The following ESR1 variants were observed in gnomAD, a reference collection of about 807,000 sequenced individuals.
ESR1 encodes the protein estrogen receptor 1.
In ESR1, 12 loss-of-function variants were observed where a neutral mutation model predicts 52.7. That is an observed-to-expected ratio of 0.23 (90% CI 0.15 to 0.37). ESR1 has a LOEUF of 0.37. Among genes scored for constraint, ESR1 ranks in the 10% least tolerant of loss-of-function variants. The probability of loss-of-function intolerance (pLI) is 1.00; values close to 1 mark genes in which losing one functional copy is unlikely to be tolerated. For missense variants in ESR1, 584 were observed against 779.7 expected (o/e 0.75, Z 2.99); for synonymous variants, 305 against 316.8 (o/e 0.96, Z 0.39).
rs1562693516 is a variant in ESR1 at position 152,028,828 on chromosome 6, G to T, written c.1235+17034G>T. Among the ~76,000 whole-genome samples the T allele has an allele frequency of 2.0e-5, 3 of 152,324 alleles. No individual in the cohort carries two copies. In the South Asian group the frequency reaches 6.2e-4, roughly 32 times the overall value. On this transcript the variant is annotated intron_variant, in intron 5 of 7. Coordinates refer to ENST00000206249, the MANE Select transcript of ESR1 (RefSeq NM_000125.4). ...TCCCAGCATGCAGCTTGAGATCTGA[G>T]AACGGGCAGACTGCCTCCTCAAGTG...
At chr6:151,922,088 C>A (rs2031808347) in intron 3 of ESR1, among the ~76,000 whole-genome samples, 1 of 152,066 alleles carries the variant, frequency 6.6e-6, no homozygotes, top group Admixed American at 6.6e-5. Flanking sequence ...ATAACCAAAA[C>A]AGCATGGTAC....
intron 3 of ESR1, among the ~76,000 whole-genome samples, chr6:151,897,983 G>A (rs1371047772): frequency 1.3e-5 from 2 of 152,088 alleles, no homozygotes; most frequent in African/African-American, 4.8e-5. Context: ...CAAAATTCTT[G>A]GCTGCTAATT....
intron 1 of ESR1, among the ~76,000 whole-genome samples, chr6:151,810,324 T>TC (rs1778607796): frequency 1.3e-5 from 2 of 152,186 alleles, no homozygotes; most frequent in Non-Finnish European, 2.9e-5. Context: ...GTGTGGAAAT[T>TC]CAGTTTTAGA....
chr6:151,936,181 A>C (rs1584333020), intron 3 of ESR1: 1 of 152,378 alleles, frequency 6.6e-6, no homozygotes, highest in African/African-American at 2.4e-5. Flanking sequence ...GAGCATCATT[A>C]GATGAATGAA....
chr6:152,049,392 A>G (rs966465252), intron 5 of ESR1, among the ~76,000 whole-genome samples: 2 of 152,170 alleles, frequency 1.3e-5, no homozygotes, highest in Non-Finnish European at 2.9e-5. Context: ...TGATGTGAAA[A>G]AAGTAAATAG....
At chr6:152,081,065 A>G (rs2049161429) in intron 6 of ESR1, among the ~76,000 whole-genome samples, 1 of 152,182 alleles carries the variant, frequency 6.6e-6, no homozygotes, top group Non-Finnish European at 1.5e-5. Flanking sequence ...AAACAGATCA[A>G]CAAGACAGAA....
chr6:151,991,545 TGA>T lies in ESR1; in HGVS notation c.1097-20107_1097-20106del, dbSNP rs945440696. Among the ~76,000 whole-genome samples the T allele has an allele frequency of 1.5e-3, 230 of 151,356 alleles. 2 individuals carry two copies. The highest frequency in any genetic ancestry group is 5.1e-3 in the African/African-American group (212 of 41,198). On this transcript the variant is annotated intron_variant, in intron 4 of 7. Transcript: ENST00000206249. ...TAGGAACAAAACGATGGCAGAGAAA[TGA>T]GAGTTTAGAGAAAGGAGAGATAATC...
Position 151,923,252 on chromosome 6 carries a change from G to T in ESR1, c.761-20921G>T, listed in dbSNP as rs2032049766. On this transcript the variant is annotated intron_variant, in intron 3 of 7. Transcript: ENST00000206249. Reference sequence around the variant, plus strand: ...ATTTGTCATACATTTAAATTCTTTTGTAATATTGTGCATTCCATCCCAGTT... The same window carrying T: ...ATTTGTCATACATTTAAATTCTTTTTTAATATTGTGCATTCCATCCCAGTT... 2.6e-5 allele frequency among the ~76,000 whole-genome samples: 4 copies of T among 152,078 alleles called. No homozygotes were observed. In the South Asian group the frequency reaches 8.3e-4, roughly 31 times the overall value.
chr6:151,853,201 GAAAGAAAGAAAGAAGGAA>G (rs1287375753), intron 2 of ESR1, among the ~76,000 whole-genome samples: 62 of 117,862 alleles, frequency 5.3e-4, no homozygotes, highest in Non-Finnish European at 7.6e-4. Flanking sequence ...AAAAAAAAGA[GAAAGAAAGAAAGAAGGAA>G]AAAGAAAGAA....
intron 2 of ESR1, among the ~76,000 whole-genome samples, chr6:151,703,385 C>G (rs17081604): frequency 6.6e-6 from 1 of 152,112 alleles, no homozygotes; most frequent in African/African-American, 2.4e-5. Flanking sequence ...TCTGCAAGGG[C>G]ATGGCTGACT....
rs1489570894 is a variant in ESR1, at chr6:152,099,653, T to G, written c.*687T>G. 1 of 255,234 alleles carries G rather than the reference T, an allele frequency of 3.9e-6. No individual in the cohort carries two copies. Among genetic ancestry groups the G allele is most frequent in the African/African-American group, 2.2e-5 (1 of 46,122 alleles). 15.8% of individuals were successfully genotyped at this position (255,234 alleles called of 1,614,324 possible). Reference sequence around the variant, plus strand: ...ATTCAGATGTGCTGAAAGCTCTGCCTCTGGCTTTCCGGTCATGGGTTCCAG... The same window carrying G: ...ATTCAGATGTGCTGAAAGCTCTGCCGCTGGCTTTCCGGTCATGGGTTCCAG... On this transcript the variant is annotated 3_prime_UTR_variant, in exon 8 of 8. Transcript: ENST00000206249.
At chr6:152,084,207 G>C (rs1338574952) in intron 6 of ESR1, among the ~76,000 whole-genome samples, 3 of 151,650 alleles carry the variant, frequency 2.0e-5, no homozygotes, top group Admixed American at 2.0e-4. Context: ...TCACTCATAG[G>C]TGGGAGTTGA....
intron 2 of ESR1, among the ~76,000 whole-genome samples, chr6:151,704,014 A>C (rs975475833): frequency 1.3e-5 from 2 of 152,240 alleles, no homozygotes; most frequent in Non-Finnish European, 2.9e-5. Context: ...TCCAATTTAT[A>C]AACAACACAG....
At chr6:151,972,429 C>T (rs147144628) in intron 4 of ESR1, among the ~76,000 whole-genome samples, 4,307 of 152,230 alleles carry the variant, frequency 0.028, 109 homozygotes, top group East Asian at 0.11. Flanking sequence ...GTGAATCCAA[C>T]AGCATATCAG....
chr6:151,840,925 A>T (rs1784185985), intron 1 of ESR1, among the ~76,000 whole-genome samples: 1 of 152,136 alleles, frequency 6.6e-6, no homozygotes, highest in South Asian at 2.1e-4. Context: ...CTGGGCTCTT[A>T]TTCCACCTTT....
chr6:151,856,866 TCTC>T (rs1198273940), intron 2 of ESR1, among the ~76,000 whole-genome samples: 5 of 152,136 alleles, frequency 3.3e-5, no homozygotes, highest in African/African-American at 1.2e-4. Context: ...TGTTCCCACA[TCTC>T]CTTACTGGAC....
chr6:151,761,996 C>CT (rs1208949911), intron 2 of ESR1, among the ~76,000 whole-genome samples: 4 of 152,164 alleles, frequency 2.6e-5, no homozygotes, highest in Non-Finnish European at 5.9e-5. Context: ...ACAAAACGTG[C>CT]TTTTTTATCT....
At chr6:152,106,010 G>C (rs376233361), downstream of ESR1, among the ~76,000 whole-genome samples, 72 of 148,036 alleles carry the variant, frequency 4.9e-4, 1 homozygote, top group South Asian at 0.015. Context: ...AGCCAGGATG[G>C]TCTCGATCTC....
At chr6:151,865,644 G>A (rs1020245109) in intron 2 of ESR1, among the ~76,000 whole-genome samples, 26 of 152,202 alleles carry the variant, frequency 1.7e-4, no homozygotes, top group African/African-American at 4.8e-4. Context: ...TAGACCTCAG[G>A]TGAGTGAGAA....
Sources: allele counts gnomAD v4.1 joint callset (sites outside exome capture counted in the v4.1 genomes callset), GRCh38; gene constraint gnomAD v4.1.1; transcripts MANE v1.5; gene names NCBI Gene and HGNC (gene_info 2026-07-23, HGNC 2026-07-21).